The following GAS6 variants were observed in gnomAD, a reference collection of about 807,000 sequenced individuals.
GAS6 encodes the protein growth arrest-specific protein 6.
GAS6 carries 41 observed loss-of-function variants against 75.8 expected under a neutral mutation model. That is an observed-to-expected ratio of 0.54 (90% CI 0.42 to 0.70). GAS6 has a LOEUF of 0.70. GAS6 is among the 30% of genes least tolerant of loss of function. GAS6 has a pLI of 0.00. For missense variants in GAS6, 854 were observed against 940.2 expected, an observed-to-expected ratio of 0.91 and a Z score of 1.20; for synonymous variants, 432 against 412.6, an observed-to-expected ratio of 1.05 and a Z score of -0.57.
intron 2 of GAS6, among the ~76,000 whole-genome samples, chr13:113,859,353 T>C (rs991041083): frequency 6.6e-6 from 1 of 151,754 alleles, no homozygotes; most frequent in Non-Finnish European, 1.5e-5. Flanking sequence ...TGTACATGTC[T>C]GTGTGACTGT....
At position 113,863,571 on chromosome 13, in the gene GAS6, T is replaced by C. The variant is rs1428005520; in HGVS notation, c.255+4A>G. 6.6e-7 allele frequency: 1 copy of C among 1,506,988 alleles called. No homozygotes were observed. The highest frequency in any genetic ancestry group is 1.8e-4 in the Middle Eastern group (1 of 5,648). 93.4% of individuals were successfully genotyped at this position (1,506,988 alleles called of 1,614,324 possible). ...CCCCCGCATCCCGCCCGCCGGCTGC[T>C]CACCGTCTCGGGGTCGTTCTCGAAC... is the stretch of plus-strand genomic sequence containing the variant. On this transcript the variant is annotated splice_donor_region_variant and intron_variant, in intron 2 of 14. Transcript: ENST00000327773. This position sits in a 1 kb window ranked among gnomAD's most constrained non-coding sequence, Gnocchi z 9.4.
At position 113,831,084 on chromosome 13, in the gene GAS6, G is replaced by A. The variant is rs188031956; in HGVS notation, c.1143+1215C>T. ...TCCTTCTGCAAGCCCAGTATGGTGA[G>A]GGAGGCCCAGCGCTGTGGGCGGGAG... On this transcript the variant is annotated intron_variant, in intron 10 of 14. Coordinates refer to ENST00000327773, the MANE Select transcript of GAS6 (RefSeq NM_000820.4). Among the ~76,000 whole-genome samples the A allele has an allele frequency of 1.5e-4, 23 of 152,388 alleles. No homozygotes were observed. The East Asian group carries it at 3.9e-3, about 26-fold the overall frequency.
At chr13:113,822,498 C>T in intron 13 of GAS6, 1 of 277,036 alleles carries the variant, frequency 3.6e-6, no homozygotes, top group East Asian at 6.4e-5. Context: ...ACCGAGGCTG[C>T]ACTTGACCAG....
intron 8 of GAS6, chr13:113,833,872 C>T (rs2051662647): frequency 9.8e-7 from 1 of 1,016,322 alleles, no homozygotes; most frequent in Admixed American, 6.5e-5. Context: ...GTGTGAGACA[C>T]TGGTGTGACA....
At chr13:113,833,317 C>CAGCG in intron 8 of GAS6, 1 of 1,003,958 alleles carries the variant, frequency 1.0e-6, no homozygotes, top group Non-Finnish European at 1.2e-6. Context: ...GTACATGAGG[C>CAGCG]AGCGAGGCAA....
intron 2 of GAS6, among the ~76,000 whole-genome samples, chr13:113,859,131 T>C (rs1012220860): frequency 6.6e-6 from 1 of 151,738 alleles, no homozygotes; most frequent in East Asian, 2.0e-4. Context: ...TGTGCTTACA[T>C]ATGTCTATGT....
At chr13:113,835,997 A>G in intron 6 of GAS6, 6 of 1,049,208 alleles carry the variant, frequency 5.7e-6, no homozygotes, top group Non-Finnish European at 6.9e-6. Context: ...GGGGCATTTG[A>G]AACTAAAACC....
chr13:113,823,281 C>T, intron 13 of GAS6, 94 bp downstream of exon 13: 1 of 1,356,268 alleles, frequency 7.4e-7, no homozygotes, highest in Admixed American at 2.4e-5. Flanking sequence ...CCTGGGGATC[C>T]CACCGCGGGC....
intron 2 of GAS6, among the ~76,000 whole-genome samples, chr13:113,861,037 G>A (rs972415590): frequency 5.9e-5 from 9 of 152,034 alleles, no homozygotes; most frequent in Middle Eastern, 3.4e-3. Flanking sequence ...GAGGGGTGCC[G>A]GGCTTAGTAT....
At chr13:113,860,896 G>T (rs2051966011) in intron 2 of GAS6, among the ~76,000 whole-genome samples, 1 of 151,672 alleles carries the variant, frequency 6.6e-6, no homozygotes, top group African/African-American at 2.4e-5. Flanking sequence ...GAAGGTGGGG[G>T]TCTGCAGAGC....
In GAS6 at chr13:113,827,051, C is replaced by A. The variant is rs374782446; in HGVS notation, c.1422G>T (p.Thr474=). 1 of 1,613,512 alleles carries A rather than the reference C, an allele frequency of 6.2e-7. No individual in the cohort carries two copies. Among genetic ancestry groups the A allele is most frequent in the Admixed American group, 1.7e-5 (1 of 60,026 alleles). ...VNTRMQCFSV[T]ERGSFYPGSG... ...TCCCGGGGTAGAAAGAGCCTCTCTC[C>A]GTCACCGAGAAGCACTGCATCCTCG... The change falls in exon 12 of 15, where the codon ACG becomes ACT. Residue 474 remains threonine, a synonymous_variant. Transcript: ENST00000327773.
At position 113,840,293 on chromosome 13, in the gene GAS6, G is replaced by A. The variant is rs547860677; in HGVS notation, c.344-443C>T. The A allele has an allele frequency of 6.8e-4, 121 of 178,818 alleles. 1 individual carries two copies. Among genetic ancestry groups the A allele is most frequent in the African/African-American group, 2.1e-3 (87 of 41,824 alleles). 11.1% of individuals were successfully genotyped at this position (178,818 alleles called of 1,614,324 possible). ...GTGAACTCTCCCTGCTGGGTGTGGCGGGGAGGACCCCAGGCCCAGGCTGCA... is the reference window on the plus strand; with the variant it reads ...GTGAACTCTCCCTGCTGGGTGTGGCAGGGAGGACCCCAGGCCCAGGCTGCA... On this transcript the variant is annotated intron_variant, in intron 4 of 14. Transcript: ENST00000327773.
chr13:113,837,266 G>A lies in GAS6; in HGVS notation c.589+803C>T, dbSNP rs1215295482. ...TGGACAGAAATAGCAGCTGCCTTTT[G>A]AAATCGGGGGATGGGGTGTGGCCCC... On this transcript the variant is annotated intron_variant, in intron 6 of 14. Transcript: ENST00000327773. This position sits in a 1 kb window ranked among gnomAD's most constrained non-coding sequence, Gnocchi z 5.1. Among the ~76,000 whole-genome samples, 1 of 152,192 alleles carries A rather than the reference G, an allele frequency of 6.6e-6. No homozygotes were observed. The highest frequency in any genetic ancestry group is 1.9e-4 in the East Asian group (1 of 5,174).
intron 2 of GAS6, among the ~76,000 whole-genome samples, chr13:113,849,314 C>T (rs1373231764): frequency 1.3e-5 from 2 of 152,184 alleles, no homozygotes; most frequent in African/African-American, 4.8e-5. Context: ...TCATGCCTGC[C>T]CTCATTTCTC....
chr13:113,831,677 G>A (rs1007033721), intron 10 of GAS6, among the ~76,000 whole-genome samples: 7 of 152,286 alleles, frequency 4.6e-5, no homozygotes, highest in African/African-American at 1.7e-4. Flanking sequence ...AGGCTGAAAC[G>A]TGATGAAATA....
At chr13:113,836,174 A>T in intron 6 of GAS6, 1 of 417,588 alleles carries the variant, frequency 2.4e-6, no homozygotes, top group Non-Finnish European at 2.9e-6. Flanking sequence ...TCACCAGAGG[A>T]GAGCAAAGGC....
intron 6 of GAS6, among the ~76,000 whole-genome samples, chr13:113,836,893 G>C (rs1283206283): frequency 8.6e-6 from 1 of 115,764 alleles, no homozygotes; most frequent in Non-Finnish European, 1.8e-5. Flanking sequence ...GGGGGAGTGG[G>C]GAAAGGAGGA....
chr13:113,855,433 A>G (rs771981498), intron 2 of GAS6, among the ~76,000 whole-genome samples: 1 of 152,208 alleles, frequency 6.6e-6, no homozygotes, highest in Non-Finnish European at 1.5e-5. Flanking sequence ...CAGGACAAAC[A>G]CGATTGCAAA....
chr13:113,835,470 T>A (rs772761294), intron 7 of GAS6, 43 bp downstream of exon 7: 1 of 1,603,182 alleles, frequency 6.2e-7, no homozygotes, highest in Non-Finnish European at 8.5e-7. Context: ...GTGTCTAGAC[T>A]TGGGCGTCAG....
Sources: allele counts gnomAD v4.1 joint callset (sites outside exome capture counted in the v4.1 genomes callset), GRCh38; gene constraint gnomAD v4.1.1; non-coding constraint Gnocchi (gnomAD v3.1); transcripts MANE v1.5; gene names NCBI Gene and HGNC (gene_info 2026-07-23, HGNC 2026-07-21).